Variants in XRN1 observed in about 807,000 individuals in gnomAD.
XRN1 encodes strand-exchange protein 1 homolog.
Under a neutral mutation model 222.3 loss-of-function variants are expected in XRN1, and 67 were observed. That is an observed-to-expected ratio of 0.30 (90% confidence interval 0.25 to 0.37). The LOEUF is 0.37. XRN1 is among the 10% of genes least tolerant of loss of function. The probability of loss-of-function intolerance (pLI) is 1.00; values close to 1 mark genes in which losing one functional copy is unlikely to be tolerated. For missense variants in XRN1, 1,707 were observed against 2,000.2 expected (o/e 0.85, Z 2.80); for synonymous variants, 643 against 652.4 (o/e 0.99, Z 0.22).
chr3:142,372,659 C>G (rs1451148491), intron 25 of XRN1, among the ~76,000 whole-genome samples: 1 of 152,226 alleles, frequency 6.6e-6, no homozygotes, highest in African/African-American at 2.4e-5. Flanking sequence ...AGAGGGCTCA[C>G]AGCTGAGGGC....
At chr3:142,444,900 C>T (rs1559892824) in intron 1 of XRN1, among the ~76,000 whole-genome samples, 1 of 152,072 alleles carries the variant, frequency 6.6e-6, no homozygotes, top group African/African-American at 2.4e-5. Flanking sequence ...TACTGTTTTA[C>T]AACATACTAA....
chr3:142,423,578 C>A lies in XRN1; in HGVS notation c.692G>T (p.Gly231Val). 1 of 1,599,024 alleles carries A rather than the reference C, an allele frequency of 6.3e-7. No individual in the cohort carries two copies. Among genetic ancestry groups the A allele is most frequent in the Non-Finnish European group, 8.5e-7 (1 of 1,174,380 alleles). ...FSLLREEVRF[G>V]GKKTQRVCAP... Reference sequence around the variant, plus strand: ...AATTTACCGTTGTGTTTTTTTGCCACCAAATCGAACTTCTTCTCTTAAGAG... The same window carrying A: ...AATTTACCGTTGTGTTTTTTTGCCAACAAATCGAACTTCTTCTCTTAAGAG... The change falls in exon 6 of 41, where the codon GGT (glycine) becomes GTT (valine). Residue 231 changes from glycine to valine, a missense_variant. Transcript: ENST00000392981.
chr3:142,379,267 T>C (rs905618142), intron 23 of XRN1, among the ~76,000 whole-genome samples: 1 of 152,048 alleles, frequency 6.6e-6, no homozygotes, highest in South Asian at 2.1e-4. Flanking sequence ...CGAAACTCTG[T>C]CTCACAAAAA....
intron 1 of XRN1, among the ~76,000 whole-genome samples, chr3:142,446,171 G>A (rs994037810): frequency 1.3e-5 from 2 of 152,146 alleles, no homozygotes; most frequent in African/African-American, 4.8e-5. Flanking sequence ...ATGCTACTGA[G>A]GCCACACCAC....
At chr3:142,444,543 G>C (rs1291828003) in intron 1 of XRN1, among the ~76,000 whole-genome samples, 1 of 152,038 alleles carries the variant, frequency 6.6e-6, no homozygotes, top group Admixed American at 6.6e-5. Flanking sequence ...GGGGAGGCAG[G>C]GGTTGCAGTG....
chr3:142,382,907 T>C (rs2067354052), intron 22 of XRN1, among the ~76,000 whole-genome samples: 1 of 152,188 alleles, frequency 6.6e-6, no homozygotes, highest in South Asian at 2.1e-4. Flanking sequence ...TCTCCTTCCA[T>C]ATTTGCATGT....
At chr3:142,348,289 A>G (rs2066207394) in intron 32 of XRN1, among the ~76,000 whole-genome samples, 1 of 152,110 alleles carries the variant, frequency 6.6e-6, no homozygotes, top group South Asian at 2.1e-4. Context: ...ATTTTTATTA[A>G]TCCCATGTTT....
intron 31 of XRN1, among the ~76,000 whole-genome samples, chr3:142,356,597 C>G (rs2066471350): frequency 6.6e-6 from 1 of 152,050 alleles, no homozygotes; most frequent in Non-Finnish European, 1.5e-5. Flanking sequence ...TAGCATAGGA[C>G]ATTTGGATTA....
intron 29 of XRN1, among the ~76,000 whole-genome samples, chr3:142,363,357 T>C (rs972221434): frequency 1.3e-5 from 2 of 152,152 alleles, no homozygotes; most frequent in Admixed American, 6.5e-5. Context: ...TTTTTTCTTA[T>C]TACTCACCAC....
intron 23 of XRN1, among the ~76,000 whole-genome samples, chr3:142,379,432 T>C (rs955756990): frequency 1.3e-5 from 2 of 152,160 alleles, no homozygotes; most frequent in Non-Finnish European, 2.9e-5. Context: ...GAGTAAGTGC[T>C]CCATCAAAAT....
At chr3:142,395,322 G>A (rs1225421737) in intron 20 of XRN1, among the ~76,000 whole-genome samples, 1 of 152,170 alleles carries the variant, frequency 6.6e-6, no homozygotes. Flanking sequence ...ATAAACCTAA[G>A]TGCTCATGAA....
rs1261413250 is a variant in XRN1, at chr3:142,447,702, T to C, written c.75+168A>G. On this transcript the variant is annotated intron_variant, in intron 1 of 40. Coordinates refer to ENST00000392981, the MANE Select transcript of XRN1 (RefSeq NM_001282857.2). This position sits in a 1 kb window ranked among gnomAD's most constrained non-coding sequence, Gnocchi z 4.2. ...ACAGGCAACCTGCGTCCTTAGCCCC[T>C]TTCGGCTCATCCGGGCGTCCTCAAA... is the stretch of plus-strand genomic sequence containing the variant. Among the ~76,000 whole-genome samples the C allele has an allele frequency of 6.6e-6, 1 of 152,148 alleles. No homozygotes were observed. The highest frequency in any genetic ancestry group is 2.4e-5 in the African/African-American group (1 of 41,438).
Position 142,323,814 on chromosome 3 carries a change from G to A in XRN1, c.4405-4911C>T, listed in dbSNP as rs570817854. ...CCCCATCTCTTTAAAAAAAAAATTC[G>A]AGTAATATCACTCTTCTAACTAAAT... On this transcript the variant is annotated intron_variant, in intron 37 of 40. Transcript: ENST00000392981. Among the ~76,000 whole-genome samples the A allele has an allele frequency of 1.8e-4, 28 of 151,790 alleles. 1 individual carries two copies. In the South Asian group the frequency reaches 5.0e-3, roughly 27 times the overall value.
intron 39 of XRN1, among the ~76,000 whole-genome samples, chr3:142,315,036 C>T (rs1000728364): frequency 3.7e-5 from 5 of 136,274 alleles, no homozygotes; most frequent in Non-Finnish European, 7.7e-5. Flanking sequence ...ACAGGCTCAA[C>T]TGATCCTCCT....
chr3:142,445,479 A>G (rs1161430735), intron 1 of XRN1, among the ~76,000 whole-genome samples: 1 of 152,048 alleles, frequency 6.6e-6, no homozygotes, highest in African/African-American at 2.4e-5. Context: ...TGTGAATTTA[A>G]TTTTCTTGAA....
intron 19 of XRN1, among the ~76,000 whole-genome samples, chr3:142,398,362 A>T (rs1445157527): frequency 6.6e-6 from 1 of 151,932 alleles, no homozygotes; most frequent in African/African-American, 2.4e-5. Context: ...TGCATTATCT[A>T]CAAAGTTTTT....
chr3:142,418,706 T>C, intron 11 of XRN1, 97 bp from the exon 12 acceptor site: 4 of 1,440,630 alleles, frequency 2.8e-6, no homozygotes, highest in South Asian at 2.5e-5. Context: ...TTGATGCTTA[T>C]ATGCTATCAC....
intron 20 of XRN1, among the ~76,000 whole-genome samples, chr3:142,393,509 G>A (rs2067813368): frequency 6.7e-6 from 1 of 150,304 alleles, no homozygotes; most frequent in East Asian, 2.0e-4. Flanking sequence ...TGTATAAGGT[G>A]TAAGGAAGGG....
chr3:142,417,226 G>A lies in XRN1; in HGVS notation c.1350C>T (p.Asp450=), dbSNP rs1179310572. Residue 450 remains aspartate, a synonymous_variant, in exon 13 of 41, where the codon GAC becomes GAT. Transcript: ENST00000392981. ...AACATGCAGCTTGATCAGCCAGAAA[G>A]TCACTGAAAATAGAATATTTTCATT... ...TKMGVDVVSD[D]FLADQAACYV... is the part of the protein sequence containing the mutation. 1.9e-6 allele frequency: 3 copies of A among 1,612,880 alleles called. No individual in the cohort carries two copies. The African/African-American group carries it at 4.0e-5, about 22-fold the overall frequency.
Sources: gnomAD v4.1 joint callset for allele counts (sites outside exome capture counted in the v4.1 genomes callset) on GRCh38, gnomAD v4.1.1 for gene constraint, Gnocchi (gnomAD v3.1) non-coding constraint, MANE v1.5 for transcripts, NCBI Gene and HGNC (gene_info 2026-07-23, HGNC 2026-07-21) for gene names.